DLG2: variants seen among roughly 807,000 people sequenced by gnomAD.
DLG2 encodes the protein discs large MAGUK scaffold protein 2, also known as disks large homolog 2.
DLG2 carries 45 observed loss-of-function variants against 132.5 expected under a neutral mutation model. The observed-to-expected ratio is 0.34, with a 90% CI of 0.27 to 0.44. The LOEUF (loss-of-function observed/expected upper bound fraction) is 0.44, where lower values mean the gene tolerates loss of function less well. Among genes scored for constraint, DLG2 ranks in the 20% least tolerant of loss-of-function variants. DLG2 has a pLI of 1.00. For missense variants in DLG2, 1,045 were observed against 1,196.9 expected, an observed-to-expected ratio of 0.87 and a Z score of 1.87; for synonymous variants, 424 against 419.6, an observed-to-expected ratio of 1.01 and a Z score of -0.13.
intron 7 of DLG2, among the ~76,000 whole-genome samples, chr11:84,251,656 T>TG (rs1204485073): frequency 6.7e-6 from 1 of 149,822 alleles, no homozygotes; most frequent in African/African-American, 2.5e-5. Flanking sequence ...TTTTTTTTTT[T>TG]TGTGAGACAA....
intron 5 of DLG2, among the ~76,000 whole-genome samples, chr11:85,129,119 C>T (rs1375278008): frequency 6.6e-6 from 1 of 152,190 alleles, no homozygotes; most frequent in Non-Finnish European, 1.5e-5. Flanking sequence ...CTTTCTCTTT[C>T]TCAGAAGTGA....
At chr11:84,153,518 T>C (rs2095354844) in intron 9 of DLG2, among the ~76,000 whole-genome samples, 1 of 152,194 alleles carries the variant, frequency 6.6e-6, no homozygotes, top group Non-Finnish European at 1.5e-5. Flanking sequence ...ATCCCATATT[T>C]CTTGGAGGTT....
intron 3 of DLG2, among the ~76,000 whole-genome samples, chr11:85,565,810 C>T (rs1216669997): frequency 6.6e-6 from 1 of 152,102 alleles, no homozygotes; most frequent in Non-Finnish European, 1.5e-5. Context: ...CTGCTATGAA[C>T]ATTAGTTTAC....
At chr11:84,312,375 A>G (rs2098296699) in intron 7 of DLG2, among the ~76,000 whole-genome samples, 1 of 152,216 alleles carries the variant, frequency 6.6e-6, no homozygotes, top group South Asian at 2.1e-4. Flanking sequence ...ACTACTCAGG[A>G]GACCGAGGCA....
At chr11:84,373,747 T>A (rs914004205) in intron 7 of DLG2, among the ~76,000 whole-genome samples, 1 of 152,094 alleles carries the variant, frequency 6.6e-6, no homozygotes, top group Non-Finnish European at 1.5e-5. Context: ...TTTCTAGGAG[T>A]TGTTGATTAT....
chr11:84,407,464 G>A (rs1474258967), intron 7 of DLG2, among the ~76,000 whole-genome samples: 1 of 152,068 alleles, frequency 6.6e-6, no homozygotes, highest in Non-Finnish European at 1.5e-5. Context: ...CATACATTTT[G>A]GATTTCATTC....
At chr11:84,789,509 C>T (rs150989582) in intron 6 of DLG2, among the ~76,000 whole-genome samples, 38 of 152,110 alleles carry the variant, frequency 2.5e-4, no homozygotes, top group African/African-American at 8.4e-4. Context: ...AATCACATCA[C>T]GGTAAATGAA....
intron 7 of DLG2, among the ~76,000 whole-genome samples, chr11:84,482,112 T>C (rs2099139386): frequency 1.3e-5 from 2 of 152,198 alleles, no homozygotes; most frequent in African/African-American, 4.8e-5. Flanking sequence ...TATAGATAAA[T>C]ACATTTCTGC....
At chr11:85,317,718 G>A (rs1248350929) in intron 3 of DLG2, among the ~76,000 whole-genome samples, 1 of 151,860 alleles carries the variant, frequency 6.6e-6, no homozygotes. Flanking sequence ...GAGAACACAT[G>A]AACACATAGA....
intron 11 of DLG2, among the ~76,000 whole-genome samples, chr11:84,012,401 T>A (rs1001606394): frequency 2.0e-5 from 3 of 152,132 alleles, no homozygotes; most frequent in African/African-American, 7.2e-5. Context: ...TCTAATAGCC[T>A]TTGGAAAACT....
At chr11:84,938,813 C>T (rs2049047921) in intron 6 of DLG2, among the ~76,000 whole-genome samples, 1 of 151,982 alleles carries the variant, frequency 6.6e-6, no homozygotes, top group Non-Finnish European at 1.5e-5. Flanking sequence ...AGGGGAAATG[C>T]TTCATCTTAT....
intron 3 of DLG2, among the ~76,000 whole-genome samples, chr11:85,310,385 G>A (rs1032095296): frequency 6.6e-6 from 1 of 152,190 alleles, no homozygotes; most frequent in African/African-American, 2.4e-5. Flanking sequence ...GTTAGCATGA[G>A]TCTGTTTTTG....
At chr11:85,136,137 C>T (rs1482206078) in intron 5 of DLG2, among the ~76,000 whole-genome samples, 1 of 152,188 alleles carries the variant, frequency 6.6e-6, no homozygotes, top group Non-Finnish European at 1.5e-5. Flanking sequence ...AAGCATTTTA[C>T]AGCAAGCATT....
intron 2 of DLG2, among the ~76,000 whole-genome samples, chr11:85,610,963 C>T (rs538940354): frequency 1.3e-5 from 2 of 152,320 alleles, no homozygotes; most frequent in East Asian, 1.9e-4. Context: ...AGGGCAAATA[C>T]TCATCTAGTA....
At chr11:83,965,820 A>C (rs1352550381) in intron 12 of DLG2, among the ~76,000 whole-genome samples, 1 of 152,026 alleles carries the variant, frequency 6.6e-6, no homozygotes, top group African/African-American at 2.4e-5. Flanking sequence ...GAAGAAAATA[A>C]AAATCATTCA....
intron 18 of DLG2, among the ~76,000 whole-genome samples, chr11:83,743,835 G>T (rs12792825): frequency 6.6e-6 from 1 of 152,068 alleles, no homozygotes; most frequent in Non-Finnish European, 1.5e-5. Flanking sequence ...GGGATTACAC[G>T]AATGAAAACA....
At chr11:84,352,036 T>C (rs765268865) in intron 7 of DLG2, among the ~76,000 whole-genome samples, 1 of 152,214 alleles carries the variant, frequency 6.6e-6, no homozygotes, top group Non-Finnish European at 1.5e-5. Flanking sequence ...TATTTTCTCA[T>C]AGTCCTTGCC....
intron 6 of DLG2, among the ~76,000 whole-genome samples, chr11:84,928,450 C>G (rs2047662435): frequency 6.6e-6 from 1 of 151,900 alleles, no homozygotes; most frequent in Admixed American, 6.6e-5. Context: ...GTGCACATTG[C>G]TAGTCCCATT....
intron 11 of DLG2, among the ~76,000 whole-genome samples, chr11:84,000,589 C>T (rs913497559): frequency 1.3e-5 from 2 of 151,996 alleles, no homozygotes; most frequent in Non-Finnish European, 2.9e-5. Flanking sequence ...TGTCTAAAGT[C>T]AAAGACAAAG....
Sources: allele counts gnomAD v4.1 joint callset (sites outside exome capture counted in the v4.1 genomes callset), GRCh38; gene constraint gnomAD v4.1.1; transcripts MANE v1.5; gene names NCBI Gene and HGNC (gene_info 2026-07-23, HGNC 2026-07-21).